Variants in SOX6 observed in about 807,000 individuals in gnomAD.
The protein encoded by SOX6 is SRY-box transcription factor 6.
In SOX6, 11 loss-of-function variants were observed where a neutral mutation model predicts 97.8. The observed-to-expected ratio is 0.11, with a 90% CI of 0.07 to 0.19. The LOEUF (loss-of-function observed/expected upper bound fraction) is 0.19, where lower values mean the gene tolerates loss of function less well. SOX6 is among the 10% of genes least tolerant of loss of function. SOX6 has a pLI of 1.00. For missense variants in SOX6, 810 were observed against 1,039.5 expected, an observed-to-expected ratio of 0.78 and a Z score of 3.04; for synonymous variants, 360 against 371.4, an observed-to-expected ratio of 0.97 and a Z score of 0.35.
In SOX6 at chr11:16,352,445, T is replaced by C. The variant is rs560464429; in HGVS notation, c.-5+3649A>G. The stretch of plus-strand genomic sequence containing the variant: ...TCTTAGAGCAACTCTAGAAGTTAAA[T>C]AATGTCATTATCCCTGTTTACTGAT... On this transcript the variant is annotated intron_variant, in intron 1 of 15. Coordinates refer to ENST00000683767, the MANE Select transcript of SOX6 (RefSeq NM_001367873.1). Among the ~76,000 whole-genome samples the C allele has an allele frequency of 3.9e-5, 6 of 152,226 alleles. No individual in the cohort carries two copies. In the South Asian group the frequency reaches 1.2e-3, roughly 32 times the overall value.
chr11:16,384,756 T>C (rs915239288), intron 1 of SOX6, among the ~76,000 whole-genome samples: 2 of 152,006 alleles, frequency 1.3e-5, no homozygotes, highest in African/African-American at 2.4e-5. Context: ...ATCACTGACA[T>C]TGAACAACGG....
chr11:16,278,639 T>TA (rs967280054), intron 3 of SOX6, among the ~76,000 whole-genome samples: 27 of 147,368 alleles, frequency 1.8e-4, no homozygotes, highest in South Asian at 8.6e-4. Context: ...AGAGCTTGAT[T>TA]AAAAAAAAAA....
intron 11 of SOX6, 144 bp from the exon 12 acceptor site, chr11:16,046,845 T>C: frequency 3.5e-6 from 3 of 864,198 alleles, no homozygotes; most frequent in Non-Finnish European, 5.4e-6. Flanking sequence ...TACGCTAATA[T>C]ACATAGAACA....
chr11:16,613,433 C>G lies in SOX6; in HGVS notation n.430-1173G>C, dbSNP rs1354804254. Among the ~76,000 whole-genome samples, 1 of 152,118 alleles carries G rather than the reference C, an allele frequency of 6.6e-6. No individual in the cohort carries two copies. Among genetic ancestry groups the G allele is most frequent in the Non-Finnish European group, 1.5e-5 (1 of 68,018 alleles). ...TACCGCTGGCGGCGGCAACCAGAGC[C>G]TCTGTCTTGCCAGTTGCGCACTCTG... On this transcript the variant is annotated intron_variant and non_coding_transcript_variant, in intron 3 of 5. Coordinates refer to the SOX6 transcript ENST00000524520. This position sits in a 1 kb window ranked among gnomAD's most constrained non-coding sequence, Gnocchi z 4.6.
upstream of SOX6, among the ~76,000 whole-genome samples, chr11:16,477,140 C>T (rs1860266981): frequency 6.6e-6 from 1 of 152,074 alleles, no homozygotes; most frequent in Non-Finnish European, 1.5e-5. Context: ...AACAAAGAAA[C>T]TTTGTTACAG....
chr11:16,408,372 G>A (rs543814538), intron 1 of SOX6, among the ~76,000 whole-genome samples: 2 of 152,170 alleles, frequency 1.3e-5, no homozygotes, highest in African/African-American at 4.8e-5. Context: ...GACGGAAAAG[G>A]AAAGCTCGAA....
chr11:16,422,312 T>A (rs964159081), intron 1 of SOX6, among the ~76,000 whole-genome samples: 1 of 152,230 alleles, frequency 6.6e-6, no homozygotes, highest in African/African-American at 2.4e-5. Context: ...GCTATAATTA[T>A]ATTTTATTAA....
At chr11:16,486,036 T>C (rs1860427669) in intron 4 of SOX6, among the ~76,000 whole-genome samples, 1 of 138,252 alleles carries the variant, frequency 7.2e-6, no homozygotes. Context: ...TGTCATTACT[T>C]TATAAAGGTA....
intron 4 of SOX6, among the ~76,000 whole-genome samples, chr11:16,506,088 A>C (rs944504856): frequency 1.3e-5 from 2 of 152,192 alleles, no homozygotes; most frequent in Non-Finnish European, 2.9e-5. Context: ...GAAGGGGGCC[A>C]CTGTACTCTA....
intron 1 of SOX6, among the ~76,000 whole-genome samples, chr11:16,369,198 A>T (rs1444257324): frequency 6.6e-6 from 1 of 152,156 alleles, no homozygotes; most frequent in Non-Finnish European, 1.5e-5. Flanking sequence ...GTCCATTAGG[A>T]TGGCTATTAC....
At chr11:16,461,894 G>A (rs965177396) in intron 1 of SOX6, among the ~76,000 whole-genome samples, 1 of 152,110 alleles carries the variant, frequency 6.6e-6, no homozygotes, top group African/African-American at 2.4e-5. Context: ...ACAAATAAAA[G>A]GAATAAGAGA....
intron 4 of SOX6, among the ~76,000 whole-genome samples, chr11:16,489,516 A>T (rs1860479608): frequency 6.6e-6 from 1 of 152,168 alleles, no homozygotes; most frequent in African/African-American, 2.4e-5. Flanking sequence ...TAATAGACAT[A>T]GTCAATAGAG....
intron 3 of SOX6, among the ~76,000 whole-genome samples, chr11:16,296,066 C>G (rs1009292859): frequency 6.6e-6 from 1 of 152,074 alleles, no homozygotes; most frequent in Non-Finnish European, 1.5e-5. Context: ...ATTACCTCTT[C>G]CAGAACTTTA....
chr11:16,011,728 C>T (rs1454014537), intron 13 of SOX6, among the ~76,000 whole-genome samples: 1 of 152,000 alleles, frequency 6.6e-6, no homozygotes, highest in Non-Finnish European at 1.5e-5. Context: ...ACTTCAGAAG[C>T]CCCATAGGAG....
intron 9 of SOX6, among the ~76,000 whole-genome samples, chr11:16,088,525 T>C (rs1319116977): frequency 6.6e-6 from 1 of 152,138 alleles, no homozygotes; most frequent in Non-Finnish European, 1.5e-5. Context: ...GTTGCGCCCT[T>C]TCCAGAATGT....
chr11:16,312,966 AT>A (rs2134292500), intron 3 of SOX6: 1 of 152,306 alleles, frequency 6.6e-6, no homozygotes, highest in Admixed American at 6.5e-5. Context: ...CAATCCATCT[AT>A]GGATCTGTCT....
intron 2 of SOX6, among the ~76,000 whole-genome samples, chr11:16,720,603 T>C (rs1848253525): frequency 7.6e-6 from 1 of 132,092 alleles, no homozygotes; most frequent in East Asian, 2.3e-4. Flanking sequence ...AAATGACGAG[T>C]TAATGGGTGC....
At chr11:16,410,099 G>A (rs1478863946) in intron 1 of SOX6, among the ~76,000 whole-genome samples, 1 of 151,966 alleles carries the variant, frequency 6.6e-6, no homozygotes, top group African/African-American at 2.4e-5. Flanking sequence ...TAAGGTGATG[G>A]ATATGTTAGT....
At chr11:16,451,102 C>T (rs1859707169) in intron 1 of SOX6, among the ~76,000 whole-genome samples, 1 of 151,968 alleles carries the variant, frequency 6.6e-6, no homozygotes, top group Non-Finnish European at 1.5e-5. Flanking sequence ...TATGGTGGCA[C>T]ATGCCTGTAG....
Sources: allele counts gnomAD v4.1 joint callset (sites outside exome capture counted in the v4.1 genomes callset), GRCh38; gene constraint gnomAD v4.1.1; non-coding constraint Gnocchi (gnomAD v3.1); transcripts MANE v1.5; gene names NCBI Gene and HGNC (gene_info 2026-07-23, HGNC 2026-07-21).